RABGAP1L: variants seen among roughly 807,000 people sequenced by gnomAD.
RABGAP1L encodes rab GTPase-activating protein 1-like.
Under a neutral mutation model 137.7 loss-of-function variants are expected in RABGAP1L, and 63 were observed. That is an observed-to-expected ratio of 0.46 (90% CI 0.37 to 0.56). The LOEUF (loss-of-function observed/expected upper bound fraction) is 0.56, where lower values mean the gene tolerates loss of function less well. RABGAP1L is among the 20% of genes least tolerant of loss of function. The pLI is 0.00. For missense variants in RABGAP1L, 1,095 were observed against 1,244.0 expected (o/e 0.88, Z 1.80); for synonymous variants, 431 against 433.7 (o/e 0.99, Z 0.08).
intron 19 of RABGAP1L, among the ~76,000 whole-genome samples, chr1:174,893,690 G>A (rs1573704336): frequency 6.6e-6 from 1 of 152,076 alleles, no homozygotes; most frequent in Non-Finnish European, 1.5e-5. Flanking sequence ...GCAACACTTC[G>A]CTAGCAGGTA....
At chr1:174,544,324 T>C (rs151267975) in intron 13 of RABGAP1L, among the ~76,000 whole-genome samples, 1 of 152,198 alleles carries the variant, frequency 6.6e-6, no homozygotes. Context: ...TAAACTTCTC[T>C]TCTTGCTTCA....
intron 21 of RABGAP1L, among the ~76,000 whole-genome samples, chr1:174,974,300 T>C (rs1002692127): frequency 1.3e-5 from 2 of 152,234 alleles, no homozygotes; most frequent in East Asian, 1.9e-4. Flanking sequence ...GTACAGCTGC[T>C]CTCAAAGTGC....
At chr1:174,486,476 A>G (rs970808640) in intron 13 of RABGAP1L, among the ~76,000 whole-genome samples, 3 of 151,280 alleles carry the variant, frequency 2.0e-5, no homozygotes, top group Admixed American at 2.0e-4. Flanking sequence ...CCTCCCGAGT[A>G]GCTGGGACTA....
chr1:174,647,767 T>C (rs1675107069), intron 14 of RABGAP1L, among the ~76,000 whole-genome samples: 1 of 152,132 alleles, frequency 6.6e-6, no homozygotes, highest in Admixed American at 6.5e-5. Flanking sequence ...TTTGAAATAG[T>C]TTCAGAAGGA....
At chr1:174,267,867 A>T (rs2148650146) in intron 7 of RABGAP1L, among the ~76,000 whole-genome samples, 1 of 152,322 alleles carries the variant, frequency 6.6e-6, no homozygotes, top group African/African-American at 2.4e-5. Context: ...GAAGAATCAT[A>T]ATTTTTCCTT....
Position 174,845,229 on chromosome 1 carries a change from C to A in RABGAP1L, c.2340+33269C>A, listed in dbSNP as rs1234919967. Among the ~76,000 whole-genome samples the A allele has an allele frequency of 2.2e-5, 2 of 92,280 alleles. 1 individual carries two copies. Among genetic ancestry groups the A allele is most frequent in the African/African-American group, 5.9e-5 (2 of 33,630 alleles). 60.5% of individuals were successfully genotyped at this position (92,280 alleles called of 152,430 possible). On this transcript the variant is annotated intron_variant, in intron 19 of 25. Coordinates refer to ENST00000681986, the MANE Select transcript of RABGAP1L (RefSeq NM_001366446.1). ...GAATACCTTTTATTTCCTTCTCCTG[C>A]CTGATTGCCCTGGCCAGAACTTCCA...
chr1:174,274,606 CTG>C (rs61468070), intron 8 of RABGAP1L, among the ~76,000 whole-genome samples: 13,627 of 145,786 alleles, frequency 0.093, 778 homozygotes, highest in East Asian at 0.22. Flanking sequence ...ACAGGTGACT[CTG>C]TGTGTGTGTG....
chr1:174,549,559 G>C (rs1666274124), intron 13 of RABGAP1L, among the ~76,000 whole-genome samples: 1 of 152,196 alleles, frequency 6.6e-6, no homozygotes, highest in Non-Finnish European at 1.5e-5. Flanking sequence ...AGTATGTAGA[G>C]ATGAAGTAAA....
At chr1:174,928,293 G>T (rs1024708281) in intron 19 of RABGAP1L, among the ~76,000 whole-genome samples, 8 of 151,836 alleles carry the variant, frequency 5.3e-5, no homozygotes, top group African/African-American at 1.9e-4. Flanking sequence ...TTGAATCTTT[G>T]TACATCCTCC....
intron 7 of RABGAP1L, among the ~76,000 whole-genome samples, chr1:174,269,438 TAGA>T (rs1200889062): frequency 6.6e-6 from 1 of 152,226 alleles, no homozygotes; most frequent in East Asian, 1.9e-4. Context: ...TTTGTAGTGA[TAGA>T]CATGGGCATG....
At chr1:174,490,421 C>T (rs1280274340) in intron 13 of RABGAP1L, among the ~76,000 whole-genome samples, 1 of 152,158 alleles carries the variant, frequency 6.6e-6, no homozygotes, top group Non-Finnish European at 1.5e-5. Flanking sequence ...CCCTTGCTTT[C>T]TTCCAAACCA....
chr1:174,371,041 C>A lies in RABGAP1L; in HGVS notation c.1528C>A (p.Leu510Met). ...DVSKDCPEKI[L>M]YSWGELLGKW... is the part of the protein sequence containing the mutation. ...GTCTAAGGATTGTCCTGAGAAGATC[C>A]TGTATTCTTGGGGAGAGTTGCTAGG... is the stretch of plus-strand genomic sequence containing the variant. The change falls in exon 12 of 26, where the codon CTG becomes ATG. Residue 510 changes from leucine to methionine, a missense_variant. Leu to Met is a conservative substitution (Grantham distance 15). Around this residue, in one of 4 missense-constraint regions of RABGAP1L, gnomAD observed 315 missense variants for 324.8 expected, o/e 0.97. Coordinates refer to ENST00000681986, the MANE Select transcript of RABGAP1L (RefSeq NM_001366446.1). The A allele has an allele frequency of 6.7e-7, 1 of 1,500,868 alleles. No homozygotes were observed. Among genetic ancestry groups the A allele is most frequent in the Non-Finnish European group, 9.0e-7 (1 of 1,106,522 alleles). 93.0% of individuals were successfully genotyped at this position (1,500,868 alleles called of 1,614,324 possible).
intron 19 of RABGAP1L, among the ~76,000 whole-genome samples, chr1:174,895,235 G>C (rs1421925150): frequency 1.3e-5 from 2 of 152,154 alleles, no homozygotes; most frequent in African/African-American, 4.8e-5. Flanking sequence ...CATTCAACTT[G>C]AGAATAAAGT....
intron 11 of RABGAP1L, among the ~76,000 whole-genome samples, chr1:174,308,310 C>T (rs1434856544): frequency 6.6e-6 from 1 of 151,820 alleles, no homozygotes; most frequent in Non-Finnish European, 1.5e-5. Flanking sequence ...TTGCGAAATA[C>T]TTTCTCTCAT....
chr1:174,250,396 A>C (rs931818260), intron 5 of RABGAP1L, 79 bp from the exon 6 acceptor site: 2 of 1,068,644 alleles, frequency 1.9e-6, no homozygotes, highest in Middle Eastern at 2.2e-4. Context: ...AAAATTGTAG[A>C]TTCAAGAGTT....
At chr1:174,749,170 TG>T (rs1684131352) in intron 17 of RABGAP1L, among the ~76,000 whole-genome samples, 1 of 122,580 alleles carries the variant, frequency 8.2e-6, no homozygotes, top group Non-Finnish European at 1.6e-5. Context: ...AGCAAGACTC[TG>T]TCTCAAAAAA....
Position 174,219,255 on chromosome 1 carries a change from A to G in RABGAP1L, c.98A>G (p.Asp33Gly). 6.3e-7 allele frequency: 1 copy of G among 1,593,112 alleles called. No individual in the cohort carries two copies. Among genetic ancestry groups the G allele is most frequent in the East Asian group, 2.3e-5 (1 of 44,164 alleles). ...TTTGTTTTGGTTCCTCAGTATGCAGATGATAATTCTACAAAACATGAAGAA... is the reference window on the plus strand; with the variant it reads ...TTTGTTTTGGTTCCTCAGTATGCAGGTGATAATTCTACAAAACATGAAGAA... ...EEFVLVPQYA[D>G]DNSTKHEEKP... The change falls in exon 2 of 26, where the codon GAT becomes GGT. Residue 33 changes from aspartate (D) to glycine (G), a missense_variant. Physicochemically the swap from Asp to Gly is moderately conservative, Grantham distance 94 (BLOSUM62 -1). Coordinates refer to ENST00000681986, the MANE Select transcript of RABGAP1L (RefSeq NM_001366446.1).
At chr1:174,537,707 A>G (rs1664999449) in intron 13 of RABGAP1L, among the ~76,000 whole-genome samples, 1 of 152,098 alleles carries the variant, frequency 6.6e-6, no homozygotes, top group African/African-American at 2.4e-5. Context: ...CATCGTGTGA[A>G]TTTTCCATAT....
chr1:174,401,621 T>C (rs1315368645), intron 13 of RABGAP1L, among the ~76,000 whole-genome samples: 3 of 152,184 alleles, frequency 2.0e-5, no homozygotes, highest in Non-Finnish European at 4.4e-5. Flanking sequence ...GTTATCTACT[T>C]GTACCGCTAA....
Sources: gnomAD v4.1 joint callset for allele counts (sites outside exome capture counted in the v4.1 genomes callset) on GRCh38, gnomAD v4.1.1 for gene constraint, gnomAD v4.1.1 regional missense constraint, MANE v1.5 for transcripts, NCBI Gene and HGNC (gene_info 2026-07-23, HGNC 2026-07-21) for gene names.